TG: variants seen among roughly 807,000 people sequenced by gnomAD.
TG encodes thyroglobulin, also known as thyroid hormones.
TG carries 270 observed loss-of-function variants against 324.7 expected under a neutral mutation model. The ratio of observed to expected loss-of-function variants is 0.83; its 90% CI spans 0.75 to 0.92. The LOEUF (loss-of-function observed/expected upper bound fraction) is 0.92, where lower values mean the gene tolerates loss of function less well. Ranked by LOEUF, TG falls within the 40% of genes least tolerant of loss-of-function variation. TG has a pLI of 0.00. For synonymous variants in TG, 1,401 were observed against 1,327.0 expected, an observed-to-expected ratio of 1.06 and a Z score of -1.21; for missense variants, 3,591 against 3,456.4, an observed-to-expected ratio of 1.04 and a Z score of -0.98.
chr8:133,130,886 C>G (rs1564221912), intron 45 of TG, among the ~76,000 whole-genome samples: 1 of 146,334 alleles, frequency 6.8e-6, no homozygotes, highest in Non-Finnish European at 1.5e-5. Flanking sequence ...GGACTAATCC[C>G]CAGTGGGGAG....
intron 41 of TG, chr8:133,064,145 T>C (rs1487366009): frequency 6.6e-6 from 1 of 152,252 alleles, no homozygotes; most frequent in African/African-American, 2.4e-5. Context: ...CCAATGTTAT[T>C]TCCTTTGTGT....
chr8:133,110,043 GGTGCCCAGACCTCA>G (rs1850135766), intron 43 of TG, among the ~76,000 whole-genome samples: 1 of 152,150 alleles, frequency 6.6e-6, no homozygotes, highest in Non-Finnish European at 1.5e-5. Context: ...TGGAGATCCT[GGTGCCCAGACCTCA>G]GTATAGCTCC....
At chr8:133,053,126 A>G (rs1401889276) in intron 41 of TG, among the ~76,000 whole-genome samples, 1 of 151,924 alleles carries the variant, frequency 6.6e-6, no homozygotes, top group Non-Finnish European at 1.5e-5. Flanking sequence ...TCCCTCCTTC[A>G]CCGTTCCCAC....
At chr8:133,013,177 T>C (rs911027899) in intron 36 of TG, among the ~76,000 whole-genome samples, 1 of 152,088 alleles carries the variant, frequency 6.6e-6, no homozygotes, top group African/African-American at 2.4e-5. Context: ...GATCAGAGGG[T>C]TGGGTTTCTC....
chr8:132,983,674 G>C, intron 35 of TG: 1 of 557,384 alleles, frequency 1.8e-6, no homozygotes, highest in Admixed American at 3.1e-5. Flanking sequence ...CCTAAGTCGC[G>C]TTCTCCCAGT....
intron 8 of TG, among the ~76,000 whole-genome samples, chr8:132,885,141 G>A (rs1040634248): frequency 6.0e-5 from 9 of 150,314 alleles, no homozygotes; most frequent in South Asian, 2.1e-4. Context: ...GGGGGGGGGC[G>A]TGGTGGTTAA....
At chr8:133,103,431 A>C (rs1484626980) in intron 43 of TG, among the ~76,000 whole-genome samples, 1 of 152,106 alleles carries the variant, frequency 6.6e-6, no homozygotes, top group East Asian at 1.9e-4. Context: ...ACGTTGTCTA[A>C]TTCTCCCCAG....
Position 132,994,876 on chromosome 8 carries a change from A to G in TG, c.6262+11464A>G, listed in dbSNP as rs1357656510. The G allele has an allele frequency of 4.8e-6, 6 of 1,238,586 alleles. No individual in the cohort carries two copies. The Admixed American group carries it at 1.3e-4, about 28-fold the overall frequency. The allele number at this position is 1,238,586 out of a possible 1,614,324, so 76.7% of individuals were successfully genotyped here. A position where few individuals can be genotyped will look rare whatever the true frequency, so the allele number is the denominator to read the frequency against. Reference sequence around the variant, plus strand: ...AGCATTGGTTATCTTGCTGTGATGGAGTAAGATTGAGGTAATGAGCTCCCT... The same window carrying G: ...AGCATTGGTTATCTTGCTGTGATGGGGTAAGATTGAGGTAATGAGCTCCCT... On this transcript the variant is annotated intron_variant, in intron 35 of 47. Coordinates refer to ENST00000220616, the MANE Select transcript of TG (RefSeq NM_003235.5).
In TG at chr8:133,072,448, GGATA is replaced by G. The variant is rs1204912887; in HGVS notation, c.7240-22584_7240-22581del. Among the ~76,000 whole-genome samples, 25 of 152,092 alleles carry G rather than the reference GGATA, an allele frequency of 1.6e-4. No individual in the cohort carries two copies. The East Asian group carries it at 2.9e-3, about 18-fold the overall frequency. ...GGAAGAGAGGGATAGATGGATAGAT[GGATA>G]GATAGATAGATGGATAGATAGATAG... On this transcript the variant is annotated intron_variant, in intron 41 of 47. Transcript: ENST00000220616.
chr8:133,131,869 C>A lies in TG; in HGVS notation c.7920C>A (p.Tyr2640Ter), dbSNP rs2294024. 3 of 1,613,864 alleles carry A rather than the reference C, an allele frequency of 1.9e-6. No homozygotes were observed. The East Asian group carries it at 6.7e-5, about 36-fold the overall frequency. Residue 2640 changes from tyrosine to a stop codon, truncating the protein, a stop_gained, in exon 46 of 48, where the codon TAC becomes TAA. Transcript: ENST00000220616. LOFTEE classifies it high-confidence loss of function. ...FALGLPFYPA[Y>*]EGQFSLEEKS... ...TGGGGCTTCCCTTCTACCCAGCCTA[C>A]GAGGGGCAGTTTTCTCTGGAGGAGA...
At chr8:133,014,360 C>T (rs1231700309) in intron 37 of TG, among the ~76,000 whole-genome samples, 1 of 152,158 alleles carries the variant, frequency 6.6e-6, no homozygotes, top group Non-Finnish European at 1.5e-5. Flanking sequence ...GGGCTCCAGG[C>T]AAGGCAAGAG....
At chr8:132,934,561 G>A (rs114614333) in intron 24 of TG, among the ~76,000 whole-genome samples, 2,994 of 152,122 alleles carry the variant, frequency 0.02, 105 homozygotes, top group African/African-American at 0.069. Flanking sequence ...GCATAAACAC[G>A]AGCTCTTCTC....
intron 5 of TG, among the ~76,000 whole-genome samples, chr8:132,877,686 A>G (rs763842694): frequency 7.8e-4 from 118 of 152,178 alleles, no homozygotes; most frequent in Non-Finnish European, 1.4e-3. Flanking sequence ...CTGAGCATAA[A>G]CTCAGAAATG....
At chr8:133,073,759 C>T (rs1301669332) in intron 41 of TG, among the ~76,000 whole-genome samples, 3 of 152,202 alleles carry the variant, frequency 2.0e-5, no homozygotes, top group East Asian at 3.9e-4. Context: ...GCTCTGCATC[C>T]GCTTGTTCTC....
chr8:133,043,126 C>T (rs917708551), intron 41 of TG, among the ~76,000 whole-genome samples: 2 of 152,116 alleles, frequency 1.3e-5, no homozygotes, highest in Non-Finnish European at 2.9e-5. Context: ...GAACAGATGA[C>T]TGTAATCCAT....
chr8:132,942,300 C>A (rs1824558106), intron 26 of TG, among the ~76,000 whole-genome samples: 1 of 152,134 alleles, frequency 6.6e-6, no homozygotes, highest in South Asian at 2.1e-4. Context: ...ATAATGAGTG[C>A]AAAATGCTGC....
rs1268696751 is a variant in TG at position 133,096,241 on chromosome 8, T to TCC, written c.7441_7442dup (p.Val2482LeufsTer2). ...TGAGTGGCCCTTTCCACTACTGGGG[T>TCC]CCTGTGATCGATGGCCACTTCCTCC... On this transcript the variant is annotated frameshift_variant, in exon 43 of 48. Coordinates refer to ENST00000220616, the MANE Select transcript of TG (RefSeq NM_003235.5). LOFTEE classifies it high-confidence loss of function. The TCC allele has an allele frequency of 1.2e-6, 2 of 1,614,060 alleles. No individual in the cohort carries two copies. Among genetic ancestry groups the TCC allele is most frequent in the South Asian group, 2.2e-5 (2 of 91,086 alleles).
rs1445325792 is a variant in TG, at chr8:132,906,813, T to A, written c.3760T>A (p.Trp1254Arg). 1 of 1,614,108 alleles carries A rather than the reference T, an allele frequency of 6.2e-7. No individual in the cohort carries two copies. Among genetic ancestry groups the A allele is most frequent in the Non-Finnish European group, 8.5e-7 (1 of 1,180,054 alleles). The change falls in exon 17 of 48, where the codon TGG (tryptophan) becomes AGG (arginine). Residue 1254 changes from tryptophan to arginine, a missense_variant. Coordinates refer to ENST00000220616, the MANE Select transcript of TG (RefSeq NM_003235.5). ...QCQLLCRQGS[W>R]SVFPPGPLIC... ...CCAATTGCTGTGCCGCCAGGGCTCC[T>A]GGAGCGTGTTTCCACCAGGGCCATT...
chr8:132,926,609 CT>C (rs1256035757), intron 22 of TG, among the ~76,000 whole-genome samples: 1 of 152,176 alleles, frequency 6.6e-6, no homozygotes, highest in African/African-American at 2.4e-5. Context: ...TCCTAAAGGT[CT>C]TCAGGGAAGG....
Sources: allele counts gnomAD v4.1 joint callset (sites outside exome capture counted in the v4.1 genomes callset), GRCh38; gene constraint gnomAD v4.1.1; transcripts MANE v1.5; gene names NCBI Gene and HGNC (gene_info 2026-07-23, HGNC 2026-07-21).